The following NEDD9 variants were observed in gnomAD, a reference collection of about 807,000 sequenced individuals.
The protein encoded by NEDD9 is enhancer of filamentation 1.
In NEDD9, 26 loss-of-function variants were observed where a neutral mutation model predicts 76.6. That is an observed-to-expected ratio of 0.34 (90% CI 0.25 to 0.47). NEDD9 has a LOEUF of 0.47. Among genes scored for constraint, NEDD9 ranks in the 20% least tolerant of loss-of-function variants. The pLI, the probability that NEDD9 is intolerant of heterozygous loss-of-function variation, is 1.00. For missense variants in NEDD9, 937 were observed against 1,058.5 expected, an observed-to-expected ratio of 0.89 and a Z score of 1.59; for synonymous variants, 392 against 414.2, an observed-to-expected ratio of 0.95 and a Z score of 0.65.
intron 3 of NEDD9, among the ~76,000 whole-genome samples, chr6:11,266,156 A>G (rs373242777): frequency 8.7e-4 from 132 of 152,280 alleles, no homozygotes; most frequent in African/African-American, 3.0e-3. Flanking sequence ...GCATGTAACA[A>G]ATTTGCTCTT....
At position 11,259,935 on chromosome 6, in the gene NEDD9, A is replaced by AACACACACACACACACACACACAC. The variant is rs55634199; in HGVS notation, c.12+46033_12+46056dup. ...TAGTGCAGTGCTTGACTGCGCCCTT[A>AACACACACACACACACACACACAC]ACACACACACACACACACACACACA... is the stretch of plus-strand genomic sequence containing the variant. On this transcript the variant is annotated intron_variant, in intron 3 of 3. Transcript: ENST00000397378. 3.9e-3 allele frequency among the ~76,000 whole-genome samples: 551 copies of AACACACACACACACACACACACAC among 142,586 alleles called. 15 individuals carry two copies. Among genetic ancestry groups the AACACACACACACACACACACACAC allele is most frequent in the African/African-American group, 9.5e-3 (363 of 38,038 alleles). The allele number at this position is 142,586 out of a possible 152,430, so 93.5% of individuals were successfully genotyped here. A position where few individuals can be genotyped will look rare whatever the true frequency, so the allele number is the denominator to read the frequency against.
At chr6:11,256,756 G>T (rs764402633) in intron 3 of NEDD9, among the ~76,000 whole-genome samples, 9 of 152,318 alleles carry the variant, frequency 5.9e-5, no homozygotes, top group Non-Finnish European at 1.0e-4. Context: ...GAGCCACCCT[G>T]CCCGGTCGAA....
intron 1 of NEDD9, among the ~76,000 whole-genome samples, chr6:11,338,900 G>A (rs528490184): frequency 1.9e-3 from 276 of 144,432 alleles, no homozygotes; most frequent in African/African-American, 2.2e-3. Context: ...CCAGCCTGGC[G>A]ACAGAGCGAG....
At chr6:11,376,896 G>A (rs1377931050) in intron 1 of NEDD9, among the ~76,000 whole-genome samples, 1 of 152,254 alleles carries the variant, frequency 6.6e-6, no homozygotes, top group Non-Finnish European at 1.5e-5. Flanking sequence ...TCAGGGGCCA[G>A]GCCCAGGGCC....
At chr6:11,363,903 T>G (rs1762719667) in intron 1 of NEDD9, among the ~76,000 whole-genome samples, 1 of 152,176 alleles carries the variant, frequency 6.6e-6, no homozygotes, top group South Asian at 2.1e-4. Flanking sequence ...ATATATTACC[T>G]TATGTAATCT....
intron 1 of NEDD9, among the ~76,000 whole-genome samples, chr6:11,361,112 T>C: frequency 6.6e-6 from 1 of 152,328 alleles, no homozygotes; most frequent in East Asian, 1.9e-4. Context: ...TCCAGAAATA[T>C]GCAGCTTGTT....
At chr6:11,215,541 T>C (rs931196097) in intron 1 of NEDD9, among the ~76,000 whole-genome samples, 4 of 152,192 alleles carry the variant, frequency 2.6e-5, no homozygotes, top group African/African-American at 9.6e-5. Flanking sequence ...CTTTTGGGTA[T>C]TCTGTATTTT....
At chr6:11,381,868 A>G (rs1264497393) in intron 1 of NEDD9, among the ~76,000 whole-genome samples, 3 of 152,206 alleles carry the variant, frequency 2.0e-5, no homozygotes, top group Non-Finnish European at 4.4e-5. Flanking sequence ...GGGGCCATGT[A>G]CTTACACACC....
At chr6:11,326,460 T>G (rs1354136449) in intron 2 of NEDD9, among the ~76,000 whole-genome samples, 1 of 152,268 alleles carries the variant, frequency 6.6e-6, no homozygotes, top group East Asian at 1.9e-4. Context: ...GGTTTACATT[T>G]TCTTATGGGA....
At position 11,183,445 on chromosome 6, in the gene NEDD9, A is replaced by C. The variant is rs1004654393; in HGVS notation, c.*1717T>G. The C allele has an allele frequency of 6.6e-6, 1 of 152,220 alleles. No individual in the cohort carries two copies. Among genetic ancestry groups the C allele is most frequent in the Non-Finnish European group, 1.5e-5 (1 of 68,028 alleles). The allele number at this position is 152,220 out of a possible 1,614,324, so 9.4% of individuals were successfully genotyped here. On this transcript the variant is annotated 3_prime_UTR_variant, in exon 7 of 7. Coordinates refer to ENST00000379446, the MANE Select transcript of NEDD9 (RefSeq NM_006403.4). ...TCAATCAAGTCAGCCATCTCCTAAG[A>C]AATACACATTATACAATGAAATCTA...
intron 1 of NEDD9, among the ~76,000 whole-genome samples, chr6:11,372,074 T>G (rs1300281656): frequency 6.6e-6 from 1 of 152,172 alleles, no homozygotes; most frequent in African/African-American, 2.4e-5. Flanking sequence ...ATACTAGGTC[T>G]TACTCATTCT....
At chr6:11,209,461 T>C (rs1758707708) in intron 2 of NEDD9, among the ~76,000 whole-genome samples, 2 of 152,208 alleles carry the variant, frequency 1.3e-5, no homozygotes, top group African/African-American at 4.8e-5. Context: ...ACACAGCATA[T>C]GTGTTAGCAA....
At chr6:11,259,667 GTC>G (rs1760069916) in intron 3 of NEDD9, among the ~76,000 whole-genome samples, 1 of 152,138 alleles carries the variant, frequency 6.6e-6, no homozygotes, top group African/African-American at 2.4e-5. Flanking sequence ...GACAAGTATA[GTC>G]TGAAACATAT....
Position 11,213,503 on chromosome 6 carries a change from A to G in NEDD9, c.237T>C (p.Ser79=). The part of the protein sequence containing the change: ...ETASSHEQPA[S]GLMQQTFGQQ... ...GGCCAAAGGTCTGCTGCATCAGTCC[A>G]GAGGCAGGCTGCTCGTGACTGGAGG... Residue 79 remains serine, a synonymous_variant, in exon 2 of 7, where the codon TCT becomes TCC. Coordinates refer to ENST00000379446, the MANE Select transcript of NEDD9 (RefSeq NM_006403.4). The surrounding 1 kb of genome is among the most constrained non-coding windows in gnomAD (Gnocchi z 5.4). 6.2e-7 allele frequency: 1 copy of G among 1,614,182 alleles called. No homozygotes were observed. Among genetic ancestry groups the G allele is most frequent in the Middle Eastern group, 1.6e-4 (1 of 6,062 alleles).
At chr6:11,192,228 G>T in intron 4 of NEDD9, 117 bp downstream of exon 4, 8 of 602,044 alleles carry the variant, frequency 1.3e-5, no homozygotes, top group South Asian at 2.7e-5. Flanking sequence ...CCCCTTTTGG[G>T]TTTGCCTTTC....
At chr6:11,269,889 G>C (rs1044581656) in intron 3 of NEDD9, among the ~76,000 whole-genome samples, 2 of 152,202 alleles carry the variant, frequency 1.3e-5, no homozygotes, top group South Asian at 4.1e-4. Flanking sequence ...CACTTTGGAA[G>C]GCCAAGGCGG....
chr6:11,281,007 T>C (rs1760525810), intron 3 of NEDD9, among the ~76,000 whole-genome samples: 1 of 152,256 alleles, frequency 6.6e-6, no homozygotes, highest in African/African-American at 2.4e-5. Flanking sequence ...ACGACATGCA[T>C]AAGCATTCAA....
intron 1 of NEDD9, among the ~76,000 whole-genome samples, chr6:11,230,949 A>G (rs923434729): frequency 1.3e-5 from 2 of 152,232 alleles, no homozygotes; most frequent in African/African-American, 2.4e-5. Context: ...ATAGCACTCA[A>G]TGTTAATTTC....
At chr6:11,282,901 T>C (rs559824146) in intron 3 of NEDD9, among the ~76,000 whole-genome samples, 3 of 152,330 alleles carry the variant, frequency 2.0e-5, no homozygotes, top group Non-Finnish European at 4.4e-5. Context: ...TCTCCAGTGG[T>C]TTCATATCTC....
Sources: gnomAD v4.1 joint callset for allele counts (sites outside exome capture counted in the v4.1 genomes callset) on GRCh38, gnomAD v4.1.1 for gene constraint, Gnocchi (gnomAD v3.1) non-coding constraint, MANE v1.5 for transcripts, NCBI Gene and HGNC (gene_info 2026-07-23, HGNC 2026-07-21) for gene names.